The following EFR3B variants were observed in gnomAD, a reference collection of about 807,000 sequenced individuals.
The protein encoded by EFR3B is protein EFR3 homolog B.
In EFR3B, 64 loss-of-function variants were observed where a neutral mutation model predicts 104.7. The observed-to-expected ratio is 0.61, with a 90% confidence interval of 0.50 to 0.75. The LOEUF (loss-of-function observed/expected upper bound fraction) is 0.75. EFR3B is among the 30% of genes least tolerant of loss of function. The pLI is 0.00. For missense variants in EFR3B, 750 were observed against 1,078.5 expected (o/e 0.70, Z 4.27); for synonymous variants, 385 against 417.9 (o/e 0.92, Z 0.96).
intron 3 of EFR3B, among the ~76,000 whole-genome samples, chr2:25,095,880 G>C (rs1360881669): frequency 6.6e-6 from 1 of 152,116 alleles, no homozygotes; most frequent in Non-Finnish European, 1.5e-5. Flanking sequence ...CGTTGTGTTT[G>C]CTCCCCAACC....
chr2:25,081,566 C>T lies in EFR3B; in HGVS notation c.8-9759C>T. On this transcript the variant is annotated intron_variant, in intron 1 of 22. Coordinates refer to ENST00000403714, the MANE Select transcript of EFR3B (RefSeq NM_014971.2). ...TGCTATTGCTGCTGTACTTGGAGTC[C>T]ATGGTTATTCAACAATCCATAACTT... 3.3e-6 allele frequency: 3 copies of T among 910,508 alleles called. No individual in the cohort carries two copies. In the South Asian group the frequency reaches 3.9e-5, roughly 12 times the overall value. 56.4% of individuals were successfully genotyped at this position (910,508 alleles called of 1,614,324 possible).
At position 25,136,961 on chromosome 2, in the gene EFR3B, G is replaced by A. The variant is rs1670532685; in HGVS notation, c.1560+363G>A. 6.6e-6 allele frequency among the ~76,000 whole-genome samples: 1 copy of A among 152,104 alleles called. No homozygotes were observed. Among genetic ancestry groups the A allele is most frequent in the Non-Finnish European group, 1.5e-5 (1 of 68,006 alleles). ...GCCTGCCTCCTCCCTCTGTAGCTATGTCTCCTCCCTCTGTAGCTCTGTCTC... is the reference window on the plus strand; with the variant it reads ...GCCTGCCTCCTCCCTCTGTAGCTATATCTCCTCCCTCTGTAGCTCTGTCTC... On this transcript the variant is annotated intron_variant, in intron 14 of 22. Coordinates refer to ENST00000403714, the MANE Select transcript of EFR3B (RefSeq NM_014971.2). The surrounding 1 kb of genome is among the most constrained non-coding windows in gnomAD (Gnocchi z 4.0).
intron 4 of EFR3B, among the ~76,000 whole-genome samples, chr2:25,109,998 G>C (rs562294512): frequency 2.5e-4 from 38 of 152,252 alleles, no homozygotes; most frequent in Non-Finnish European, 3.4e-4. Context: ...AGCAGGTTGG[G>C]GGGAGGGCGG....
Position 25,132,976 on chromosome 2 carries a change from G to T in EFR3B, c.1221G>T (p.Arg407=). Residue 407 remains arginine, a synonymous_variant, in exon 11 of 23, where the codon CGG becomes CGT. Transcript: ENST00000403714. ...TCTTCATCATGAGCAAGGTCCCGCGGCCATCCCTGCACCAGGCGGTGGACA... is the reference window on the plus strand; with the variant it reads ...TCTTCATCATGAGCAAGGTCCCGCGTCCATCCCTGCACCAGGCGGTGGACA... ...VILFIMSKVP[R]PSLHQAVDTG... 1 of 1,551,608 alleles carries T rather than the reference G, an allele frequency of 6.4e-7. No individual in the cohort carries two copies. The highest frequency in any genetic ancestry group is 8.7e-7 in the Non-Finnish European group (1 of 1,146,966).
intron 21 of EFR3B, among the ~76,000 whole-genome samples, chr2:25,152,563 G>C (rs1671042261): frequency 6.6e-6 from 1 of 152,086 alleles, no homozygotes. Flanking sequence ...CAGGGGGATG[G>C]AACAGCCAGG....
At chr2:25,140,384 G>A (rs1229405205) in intron 16 of EFR3B, among the ~76,000 whole-genome samples, 1 of 152,164 alleles carries the variant, frequency 6.6e-6, no homozygotes, top group Non-Finnish European at 1.5e-5. Context: ...ACTAGCCTGG[G>A]TTGGCTGGGA....
At chr2:25,048,713 A>G (rs1336364261) in intron 1 of EFR3B, among the ~76,000 whole-genome samples, 1 of 152,252 alleles carries the variant, frequency 6.6e-6, no homozygotes, top group African/African-American at 2.4e-5. Context: ...ATCATTACTC[A>G]TTAGTTTGTA....
intron 1 of EFR3B, among the ~76,000 whole-genome samples, chr2:25,081,914 T>G (rs1285371358): frequency 1.3e-5 from 2 of 152,080 alleles, no homozygotes; most frequent in Non-Finnish European, 2.9e-5. Context: ...GTAGTTAGTG[T>G]TTGAGACTTT....
intron 1 of EFR3B, among the ~76,000 whole-genome samples, chr2:25,083,068 G>C (rs1420213454): frequency 6.6e-6 from 1 of 152,132 alleles, no homozygotes; most frequent in Non-Finnish European, 1.5e-5. Flanking sequence ...TGAACATTTG[G>C]TTTATTCCTA....
intron 1 of EFR3B, among the ~76,000 whole-genome samples, chr2:25,055,803 A>G (rs1202456684): frequency 6.6e-6 from 1 of 152,186 alleles, no homozygotes; most frequent in East Asian, 1.9e-4. Context: ...TCTAGAGCAG[A>G]AGCATACAGG....
intron 5 of EFR3B, among the ~76,000 whole-genome samples, chr2:25,122,425 T>C (rs1010926429): frequency 3.9e-5 from 6 of 152,116 alleles, no homozygotes; most frequent in Admixed American, 3.9e-4. Flanking sequence ...ATTATATGCA[T>C]TTATACTCCA....
intron 1 of EFR3B, among the ~76,000 whole-genome samples, chr2:25,052,880 A>G (rs1002993972): frequency 2.6e-5 from 4 of 152,138 alleles, no homozygotes; most frequent in African/African-American, 9.7e-5. Flanking sequence ...GTCTTATATA[A>G]TCTTCCCCCA....
At chr2:25,141,997 A>G (rs1273484767) in intron 17 of EFR3B, among the ~76,000 whole-genome samples, 3 of 152,202 alleles carry the variant, frequency 2.0e-5, no homozygotes, top group Non-Finnish European at 4.4e-5. Context: ...ATATCTGTGT[A>G]TATTTAAAAA....
At position 25,149,678 on chromosome 2, in the gene EFR3B, GT is replaced by G. The variant is rs1280388152; in HGVS notation, c.2143-15del. ...GCCCCCTGCCTTTCTGAGCATCTCTGTCCCTTCTCCTTCAGCGAGTGCCTGC... is the reference window on the plus strand; with the variant it reads ...GCCCCCTGCCTTTCTGAGCATCTCTGCCCTTCTCCTTCAGCGAGTGCCTGC... On this transcript the variant is annotated splice_polypyrimidine_tract_variant and intron_variant, in intron 19 of 22. Transcript: ENST00000403714. 3.2e-6 allele frequency: 5 copies of G among 1,551,206 alleles called. No homozygotes were observed. The East Asian group carries it at 1.2e-4, about 38-fold the overall frequency.
intron 1 of EFR3B, among the ~76,000 whole-genome samples, chr2:25,070,449 A>C (rs1668463346): frequency 1.3e-5 from 2 of 152,000 alleles, no homozygotes; most frequent in African/African-American, 4.8e-5. Context: ...TTTAGTAGAG[A>C]TGGGGGTTTC....
Position 25,131,896 on chromosome 2 carries a change from G to A in EFR3B, c.1132G>A (p.Val378Ile), listed in dbSNP as rs1004105108. Residue 378 changes from valine (V) to isoleucine (I), a missense_variant, in exon 10 of 23, where the codon GTC becomes ATC. Coordinates refer to ENST00000403714, the MANE Select transcript of EFR3B (RefSeq NM_014971.2). The surrounding 1 kb of genome is among the most constrained non-coding windows in gnomAD (Gnocchi z 7.6). ...EHEERMFQEAVIKTVGSFAST... is the reference protein window; with the variant it reads ...EHEERMFQEAIIKTVGSFAST... The stretch of plus-strand genomic sequence containing the variant: ...CGAGGAGCGCATGTTCCAGGAGGCC[G>A]TCATCAAGACCGTGGGTGCGGCGCG... 2.0e-6 allele frequency: 3 copies of A among 1,520,674 alleles called. No individual in the cohort carries two copies. The highest frequency in any genetic ancestry group is 5.1e-5 in the East Asian group (2 of 39,300). 94.2% of individuals were successfully genotyped at this position (1,520,674 alleles called of 1,614,324 possible). A position where few individuals can be genotyped will look rare whatever the true frequency, so the allele number is the denominator to read the frequency against.
chr2:25,153,800 G>A, intron 22 of EFR3B, 39 bp downstream of exon 22: 1 of 1,548,240 alleles, frequency 6.5e-7, no homozygotes, highest in Non-Finnish European at 8.7e-7. Flanking sequence ...TGACCTCCGT[G>A]GCCCAGTATT....
At chr2:25,120,548 G>A (rs1185710716) in intron 4 of EFR3B, among the ~76,000 whole-genome samples, 1 of 152,046 alleles carries the variant, frequency 6.6e-6, no homozygotes, top group Non-Finnish European at 1.5e-5. Context: ...GGAGGCTGAG[G>A]CAAGAGAATC....
chr2:25,091,522 G>A (rs766299073), intron 2 of EFR3B, 121 bp downstream of exon 2: 5 of 853,730 alleles, frequency 5.9e-6, no homozygotes, highest in Non-Finnish European at 8.8e-6. Flanking sequence ...AGGGTCCCTG[G>A]GCACTGAGCC....
Sources: gnomAD v4.1 joint callset for allele counts (sites outside exome capture counted in the v4.1 genomes callset) on GRCh38, gnomAD v4.1.1 for gene constraint, Gnocchi (gnomAD v3.1) non-coding constraint, MANE v1.5 for transcripts, NCBI Gene and HGNC (gene_info 2026-07-23, HGNC 2026-07-21) for gene names.